The following SNTG1 variants were observed in gnomAD, a reference collection of about 807,000 sequenced individuals.
The protein encoded by SNTG1 is gamma-1-syntrophin.
SNTG1 carries 39 observed loss-of-function variants against 74.7 expected under a neutral mutation model. That is an observed-to-expected ratio of 0.52 (90% confidence interval 0.40 to 0.68). The LOEUF (loss-of-function observed/expected upper bound fraction) is 0.68, where lower values mean the gene tolerates loss of function less well. Ranked by LOEUF, SNTG1 falls within the 30% of genes least tolerant of loss-of-function variation. The probability of loss-of-function intolerance (pLI) is 0.00; values close to 1 mark genes in which losing one functional copy is unlikely to be tolerated. For synonymous variants in SNTG1, 254 were observed against 217.1 expected (o/e 1.17, Z -1.49); for missense variants, 685 against 609.5 (o/e 1.12, Z -1.30).
At chr8:50,004,109 C>T (rs745311226) in intron 1 of SNTG1, among the ~76,000 whole-genome samples, 18 of 151,976 alleles carry the variant, frequency 1.2e-4, no homozygotes, top group Admixed American at 2.0e-4. Flanking sequence ...TGTCCTTGTG[C>T]CTGAGTTATA....
intron 12 of SNTG1, among the ~76,000 whole-genome samples, chr8:50,587,505 A>C (rs1421513067): frequency 6.6e-6 from 1 of 152,170 alleles, no homozygotes; most frequent in African/African-American, 2.4e-5. Flanking sequence ...CTGTGTGTGT[A>C]TATTTAAAAA....
intron 15 of SNTG1, among the ~76,000 whole-genome samples, chr8:50,687,180 A>C (rs1417001833): frequency 1.3e-5 from 2 of 151,892 alleles, no homozygotes; most frequent in Non-Finnish European, 2.9e-5. Context: ...ACAATTCAAA[A>C]CATATGACTA....
intron 13 of SNTG1, among the ~76,000 whole-genome samples, chr8:50,634,823 A>G (rs2095028433): frequency 2.0e-5 from 3 of 152,162 alleles, no homozygotes; most frequent in East Asian, 1.9e-4. Flanking sequence ...GTTGCCTTGT[A>G]TAAACATCCT....
intron 1 of SNTG1, among the ~76,000 whole-genome samples, chr8:49,967,485 G>A (rs1353838048): frequency 6.6e-6 from 1 of 152,094 alleles, no homozygotes; most frequent in Admixed American, 6.5e-5. Context: ...GGTGATGCAA[G>A]TTTTTCATCT....
At chr8:50,381,867 T>C (rs2092494115) in intron 2 of SNTG1, 1 of 141,462 alleles carries the variant, frequency 7.1e-6, no homozygotes, top group Non-Finnish European at 1.5e-5. Context: ...GGGGAGTTTA[T>C]TAAGTATTAA....
intron 1 of SNTG1, among the ~76,000 whole-genome samples, chr8:50,089,060 G>A (rs375830944): frequency 5.3e-5 from 8 of 151,390 alleles, no homozygotes; most frequent in East Asian, 3.9e-4. Context: ...AAACAGAGAT[G>A]TAGATCAATG....
intron 8 of SNTG1, among the ~76,000 whole-genome samples, chr8:50,456,185 A>G (rs2093503567): frequency 6.6e-6 from 1 of 152,300 alleles, no homozygotes; most frequent in Admixed American, 6.5e-5. Flanking sequence ...ATACATCCAG[A>G]CAGCACAGGT....
At chr8:50,269,135 C>T (rs760359688) in intron 2 of SNTG1, among the ~76,000 whole-genome samples, 1 of 152,068 alleles carries the variant, frequency 6.6e-6, no homozygotes, top group South Asian at 2.1e-4. Context: ...TAAAACTATT[C>T]AACTTAAAGA....
intron 17 of SNTG1, 47 bp downstream of exon 17, chr8:50,709,025 A>G (rs1404996268): frequency 3.7e-6 from 5 of 1,349,688 alleles, no homozygotes; most frequent in Non-Finnish European, 5.3e-6. Flanking sequence ...AAACATTCTA[A>G]TTGAAGAATG....
chr8:50,575,085 C>T (rs887260056), intron 12 of SNTG1, among the ~76,000 whole-genome samples: 1 of 152,132 alleles, frequency 6.6e-6, no homozygotes, highest in South Asian at 2.1e-4. Flanking sequence ...GCACTCTGTG[C>T]ACTAGGTACT....
intron 15 of SNTG1, among the ~76,000 whole-genome samples, chr8:50,677,866 G>T (rs2095315234): frequency 6.6e-6 from 1 of 151,790 alleles, no homozygotes; most frequent in African/African-American, 2.4e-5. Context: ...CACTACTAAT[G>T]AAATTAACAA....
At chr8:50,731,530 C>A (rs1322716309) in intron 17 of SNTG1, among the ~76,000 whole-genome samples, 7 of 152,092 alleles carry the variant, frequency 4.6e-5, no homozygotes, top group Non-Finnish European at 8.8e-5. Context: ...TTCTTACTAG[C>A]ACCTGGTTTC....
At chr8:50,014,093 T>A (rs1464125765) in intron 1 of SNTG1, among the ~76,000 whole-genome samples, 1 of 152,130 alleles carries the variant, frequency 6.6e-6, no homozygotes, top group Non-Finnish European at 1.5e-5. Flanking sequence ...ATGTTTTAAG[T>A]TGGTGCTATC....
At chr8:50,316,277 G>T (rs538410594) in intron 2 of SNTG1, among the ~76,000 whole-genome samples, 22 of 152,248 alleles carry the variant, frequency 1.4e-4, no homozygotes, top group African/African-American at 5.1e-4. Context: ...AAAAGTTTCA[G>T]TTTGATCATG....
intron 2 of SNTG1, among the ~76,000 whole-genome samples, chr8:50,299,283 G>A (rs1488371857): frequency 6.6e-6 from 1 of 151,878 alleles, no homozygotes; most frequent in South Asian, 2.1e-4. Flanking sequence ...TTGAACTCTT[G>A]GACTCAAAAT....
intron 8 of SNTG1, among the ~76,000 whole-genome samples, chr8:50,493,257 T>C (rs1468175769): frequency 1.3e-5 from 2 of 152,196 alleles, no homozygotes; most frequent in African/African-American, 4.8e-5. Context: ...AGATGATATA[T>C]TCTGTACAGA....
chr8:50,151,767 C>T (rs1358371013), intron 1 of SNTG1, among the ~76,000 whole-genome samples: 1 of 152,106 alleles, frequency 6.6e-6, no homozygotes, highest in Non-Finnish European at 1.5e-5. Context: ...GCACTGTGGT[C>T]TGAGGGAGAG....
chr8:49,964,090 A>C (rs1012583988), intron 1 of SNTG1, among the ~76,000 whole-genome samples: 1 of 152,196 alleles, frequency 6.6e-6, no homozygotes, highest in African/African-American at 2.4e-5. Context: ...CAACTTGTCT[A>C]GGCCACAGTA....
intron 1 of SNTG1, among the ~76,000 whole-genome samples, chr8:49,943,619 T>C (rs1276056647): frequency 3.3e-5 from 5 of 152,340 alleles, no homozygotes; most frequent in African/African-American, 1.2e-4. Flanking sequence ...AGAATTTTAA[T>C]CCTTGCCCTT....
Sources: allele counts gnomAD v4.1 joint callset (sites outside exome capture counted in the v4.1 genomes callset), GRCh38; gene constraint gnomAD v4.1.1; transcripts MANE v1.5; gene names NCBI Gene and HGNC (gene_info 2026-07-23, HGNC 2026-07-21).